CCDC77: variants seen among roughly 807,000 people sequenced by gnomAD.
The protein encoded by CCDC77 is coiled-coil domain containing 77, also known as coiled-coil domain-containing protein 77.
CCDC77 carries 56 observed loss-of-function variants against 66.8 expected under a neutral mutation model. The observed-to-expected ratio is 0.84, with a 90% confidence interval of 0.68 to 1.05. The LOEUF is 1.05. Ranked by LOEUF, CCDC77 falls within the 50% of genes least tolerant of loss-of-function variation. The pLI, the probability that CCDC77 is intolerant of heterozygous loss-of-function variation, is 0.00. For missense variants in CCDC77, 570 were observed against 576.8 expected (o/e 0.99, Z 0.12); for synonymous variants, 196 against 195.2 (o/e 1.00, Z -0.03).
intron 1 of CCDC77, among the ~76,000 whole-genome samples, chr12:392,734 G>C (rs1259868802): frequency 6.7e-6 from 1 of 148,504 alleles, no homozygotes; most frequent in Non-Finnish European, 1.5e-5. Flanking sequence ...AACAGAGTAA[G>C]ACTCTGTCTC....
At chr12:412,509 G>T (rs558221444) in intron 4 of CCDC77, among the ~76,000 whole-genome samples, 1 of 152,186 alleles carries the variant, frequency 6.6e-6, no homozygotes, top group African/African-American at 2.4e-5. Flanking sequence ...ATGATTCTTT[G>T]TTGTGAGGGG....
intron 1 of CCDC77, among the ~76,000 whole-genome samples, chr12:392,191 T>C (rs1202708024): frequency 1.3e-5 from 2 of 152,188 alleles, no homozygotes; most frequent in South Asian, 2.1e-4. Flanking sequence ...AATTAGAGTA[T>C]TATTTATCTG....
At chr12:418,808 C>T (rs1354483197) in intron 5 of CCDC77, 172 bp downstream of exon 5, 9 of 632,956 alleles carry the variant, frequency 1.4e-5, no homozygotes, top group Non-Finnish European at 2.4e-5. Flanking sequence ...CAGCGATTCT[C>T]ATGCCTCAGC....
chr12:398,369 A>T (rs949307367), upstream of CCDC77, among the ~76,000 whole-genome samples: 1 of 152,122 alleles, frequency 6.6e-6, no homozygotes, highest in Non-Finnish European at 1.5e-5. Context: ...TTCTTTACTT[A>T]TTCATAAGAA....
intron 5 of CCDC77, among the ~76,000 whole-genome samples, chr12:422,121 A>AT (rs1315819278): frequency 3.8e-4 from 27 of 70,336 alleles, no homozygotes; most frequent in East Asian, 5.3e-4. Flanking sequence ...GAGAGGGTAA[A>AT]ATACACATAG....
At position 431,893 on chromosome 12, in the gene CCDC77, C is replaced by T. The variant is rs756248866; in HGVS notation, c.611C>T (p.Ser204Leu). The T allele has an allele frequency of 3.7e-6, 6 of 1,609,782 alleles. No homozygotes were observed. Among genetic ancestry groups the T allele is most frequent in the East Asian group, 2.2e-5 (1 of 44,786 alleles). Residue 204 changes from serine to leucine, a missense_variant, in exon 8 of 13, where the codon TCG becomes TTG. Physicochemically the swap from Ser to Leu is moderately radical, Grantham distance 145 (BLOSUM62 -2). Transcript: ENST00000239830. ...CCTAAAATAAGCAAAAGAAGACCATCGAGAGAGAGAAAAGAAAGTTCTGAG... is the reference window on the plus strand; with the variant it reads ...CCTAAAATAAGCAAAAGAAGACCATTGAGAGAGAGAAAAGAAAGTTCTGAG... ...ADPKISKRRP[S>L]RERKESSEHY... is the part of the protein sequence containing the mutation.
intron 4 of CCDC77, among the ~76,000 whole-genome samples, chr12:417,777 C>T (rs1343171813): frequency 6.6e-6 from 1 of 151,982 alleles, no homozygotes; most frequent in Admixed American, 6.6e-5. Flanking sequence ...TGGTGCACAC[C>T]TGTAATCCCA....
intron 5 of CCDC77, among the ~76,000 whole-genome samples, chr12:426,788 C>T (rs1191017760): frequency 6.6e-6 from 1 of 152,144 alleles, no homozygotes. Flanking sequence ...GACCCTGTAT[C>T]CAGCAGTCCT....
In CCDC77 at chr12:438,370, C is replaced by T. The variant is rs778681840; in HGVS notation, c.857C>T (p.Thr286Ile). The part of the protein sequence containing the change: ...HHTQELLYES[T>I]KDFLQLRSEN... ...ACCCAAGAACTGCTCTATGAGAGCA[C>T]CAAAGATTTTCTGCAACTCAGATCT... Residue 286 changes from threonine to isoleucine, a missense_variant, in exon 10 of 13, where the codon ACC (threonine) becomes ATC (isoleucine). Transcript: ENST00000239830. The T allele has an allele frequency of 1.2e-6, 2 of 1,613,962 alleles. No individual in the cohort carries two copies. Among genetic ancestry groups the T allele is most frequent in the Admixed American group, 3.3e-5 (2 of 60,006 alleles).
At chr12:396,302 G>A (rs1944827743) in intron 1 of CCDC77, among the ~76,000 whole-genome samples, 1 of 152,172 alleles carries the variant, frequency 6.6e-6, no homozygotes, top group Non-Finnish European at 1.5e-5. Context: ...TGAGCCCAGA[G>A]AATCGCTTGA....
chr12:414,161 G>A lies in CCDC77; in HGVS notation c.270+2183G>A, dbSNP rs12298230. On this transcript the variant is annotated intron_variant, in intron 4 of 12. Coordinates refer to ENST00000239830, the MANE Select transcript of CCDC77 (RefSeq NM_032358.4). ...GGCTGGAGTGCAATGGCACAATCTCGGCTCACTGCAACCCCTGTCTCCCGG... is the reference window on the plus strand; with the variant it reads ...GGCTGGAGTGCAATGGCACAATCTCAGCTCACTGCAACCCCTGTCTCCCGG... Among the ~76,000 whole-genome samples the A allele has an allele frequency of 9.0e-3, 1,320 of 147,374 alleles. 37 individuals carry two copies. Among genetic ancestry groups the A allele is most frequent in the African/African-American group, 0.031 (1,224 of 39,352 alleles).
At chr12:398,177 C>T (rs986523413), upstream of CCDC77, among the ~76,000 whole-genome samples, 10 of 152,204 alleles carry the variant, frequency 6.6e-5, no homozygotes, top group African/African-American at 2.4e-4. Flanking sequence ...TTCTCTGTAG[C>T]ATGCAATGCT....
intron 6 of CCDC77, among the ~76,000 whole-genome samples, chr12:430,380 C>T (rs2137602654): frequency 6.6e-6 from 1 of 152,194 alleles, no homozygotes; most frequent in African/African-American, 2.4e-5. Context: ...CAGCCTTAAG[C>T]TCCTAAGCTT....
chr12:415,581 ATG>A (rs1356249043), intron 4 of CCDC77, among the ~76,000 whole-genome samples: 3 of 149,132 alleles, frequency 2.0e-5, no homozygotes, highest in Non-Finnish European at 4.4e-5. Flanking sequence ...GTTAATAAAA[ATG>A]TAATAAATAT....
In CCDC77 at chr12:415,299, C is replaced by CAACATATTATGTTAATATAATT. The variant is rs1565567794; in HGVS notation, c.271-3189_271-3188insTTATGTTAATATAATTAACATA. ...TAACATAATATTATGTTAATATAAT[C>CAACATATTATGTTAATATAATT]AACATAATATTATGTTAATATAATC... On this transcript the variant is annotated intron_variant, in intron 4 of 12. Coordinates refer to ENST00000239830, the MANE Select transcript of CCDC77 (RefSeq NM_032358.4). Among the ~76,000 whole-genome samples, 111 of 109,828 alleles carry CAACATATTATGTTAATATAATT rather than the reference C, an allele frequency of 1.0e-3. 6 individuals are homozygous for CAACATATTATGTTAATATAATT. The highest frequency in any genetic ancestry group is 3.9e-3 in the African/African-American group (96 of 24,906). The allele number at this position is 109,828 out of a possible 152,430, so 72.1% of individuals were successfully genotyped here.
chr12:392,679 A>C (rs1050458055), intron 1 of CCDC77, among the ~76,000 whole-genome samples: 7 of 151,960 alleles, frequency 4.6e-5, no homozygotes, highest in Non-Finnish European at 7.4e-5. Context: ...TGGGTGGCGG[A>C]GGTTGCAGTG....
Position 418,546 on chromosome 12 carries a change from A to C in CCDC77, c.323A>C (p.Gln108Pro), listed in dbSNP as rs1236663879. 1 of 1,614,116 alleles carries C rather than the reference A, an allele frequency of 6.2e-7. No homozygotes were observed. The highest frequency in any genetic ancestry group is 1.3e-5 in the African/African-American group (1 of 75,048). The change falls in exon 5 of 13, where the codon CAG (glutamine) becomes CCG (proline). Residue 108 changes from glutamine to proline, a missense_variant. Coordinates refer to ENST00000239830, the MANE Select transcript of CCDC77 (RefSeq NM_032358.4). ...QQREEEIAEL[Q>P]KALSDMQVCL... ...AGGGAGGAAGAGATTGCTGAATTGC[A>C]GAAAGCTCTAAGTGATATGCAGGTC...
intron 5 of CCDC77, among the ~76,000 whole-genome samples, chr12:426,528 T>C (rs1213345751): frequency 2.6e-5 from 4 of 152,116 alleles, no homozygotes; most frequent in African/African-American, 9.7e-5. Context: ...CTTGACTGGG[T>C]AGGGAGGGGC....
intron 1 of CCDC77, among the ~76,000 whole-genome samples, chr12:395,692 G>A (rs1378664537): frequency 6.6e-6 from 1 of 152,146 alleles, no homozygotes; most frequent in Non-Finnish European, 1.5e-5. Context: ...TCAGGAGTTC[G>A]ACACCAGAGT....
Sources: gnomAD v4.1 joint callset for allele counts (sites outside exome capture counted in the v4.1 genomes callset) on GRCh38, gnomAD v4.1.1 for gene constraint, MANE v1.5 for transcripts, NCBI Gene and HGNC (gene_info 2026-07-23, HGNC 2026-07-21) for gene names.